Variants in ZZZ3 observed in about 807,000 individuals in gnomAD.
ZZZ3 encodes the protein zinc finger ZZ-type containing 3.
Under a neutral mutation model 95.2 loss-of-function variants are expected in ZZZ3, and 22 were observed. The observed-to-expected ratio is 0.23, with a 90% confidence interval of 0.17 to 0.33. ZZZ3 has a LOEUF of 0.33. Ranked by LOEUF, ZZZ3 falls within the 10% of genes least tolerant of loss-of-function variation. ZZZ3 has a pLI of 1.00. For missense variants in ZZZ3, 885 were observed against 1,066.5 expected, an observed-to-expected ratio of 0.83 and a Z score of 2.37; for synonymous variants, 335 against 358.9, an observed-to-expected ratio of 0.93 and a Z score of 0.75.
chr1:77,567,092 T>C (rs930388134), intron 13 of ZZZ3, among the ~76,000 whole-genome samples: 1 of 152,224 alleles, frequency 6.6e-6, no homozygotes, highest in Non-Finnish European at 1.5e-5. Flanking sequence ...ATCAAAGGTA[T>C]AACTTTGTTT....
At chr1:77,616,530 A>AT (rs1666330376) in intron 5 of ZZZ3, among the ~76,000 whole-genome samples, 1 of 152,148 alleles carries the variant, frequency 6.6e-6, no homozygotes, top group South Asian at 2.1e-4. Context: ...AAAAACAACA[A>AT]TTTTCACACT....
At chr1:77,569,220 C>T (rs1661130315) in intron 12 of ZZZ3, among the ~76,000 whole-genome samples, 1 of 152,184 alleles carries the variant, frequency 6.6e-6, no homozygotes, top group South Asian at 2.1e-4. Flanking sequence ...ACCTGTAATA[C>T]CAGCTACTCG....
chr1:77,647,346 C>T (rs1326624480), intron 1 of ZZZ3, among the ~76,000 whole-genome samples: 1 of 152,076 alleles, frequency 6.6e-6, no homozygotes, highest in Non-Finnish European at 1.5e-5. Flanking sequence ...TGGCGAAAAC[C>T]CATCCCTACT....
intron 6 of ZZZ3, 82 bp downstream of exon 6, chr1:77,584,435 C>T (rs192808778): frequency 2.9e-6 from 4 of 1,377,420 alleles, no homozygotes; most frequent in Admixed American, 4.9e-5. Context: ...AAAGTATATA[C>T]CCATAAAAAA....
intron 1 of ZZZ3, among the ~76,000 whole-genome samples, chr1:77,663,607 T>C (rs1425936449): frequency 2.0e-5 from 3 of 152,224 alleles, no homozygotes. Context: ...CAACATGGAA[T>C]GAATATCATA....
intron 13 of ZZZ3, among the ~76,000 whole-genome samples, chr1:77,567,939 G>A (rs542663461): frequency 1.3e-5 from 2 of 152,214 alleles, no homozygotes; most frequent in East Asian, 3.9e-4. Context: ...CTTCACATCA[G>A]GAACGATGGC....
chr1:77,646,515 G>C (rs918381842), intron 1 of ZZZ3, among the ~76,000 whole-genome samples: 1 of 152,036 alleles, frequency 6.6e-6, no homozygotes, highest in Non-Finnish European at 1.5e-5. Context: ...GAGTTATGGC[G>C]CCCAGCTCTG....
At chr1:77,570,709 C>G (rs2100481669) in intron 12 of ZZZ3, among the ~76,000 whole-genome samples, 1 of 150,704 alleles carries the variant, frequency 6.6e-6, no homozygotes, top group African/African-American at 2.4e-5. Context: ...ACTCTGTCAC[C>G]CAGGCTGGAG....
In ZZZ3 at chr1:77,641,551, A is replaced by G. The variant is rs1301040313; in HGVS notation, c.-298T>C. On this transcript the variant is annotated 5_prime_UTR_variant, in exon 2 of 15. Coordinates refer to ENST00000370801, the MANE Select transcript of ZZZ3 (RefSeq NM_015534.6). Reference sequence around the variant, plus strand: ...TAAAAAGCGTTTTGCCTAGTATTTGATCCCCATGCGTCTGTATTTATCTGT... The same window carrying G: ...TAAAAAGCGTTTTGCCTAGTATTTGGTCCCCATGCGTCTGTATTTATCTGT... 2 of 398,022 alleles carry G rather than the reference A, an allele frequency of 5.0e-6. No individual in the cohort carries two copies. The highest frequency in any genetic ancestry group is 4.1e-5 in the African/African-American group (2 of 48,562). 24.7% of individuals were successfully genotyped at this position (398,022 alleles called of 1,614,324 possible).
In ZZZ3 at chr1:77,562,840, A is replaced by AT; in HGVS notation, c.*2799dup. 1 of 152,520 alleles carries AT rather than the reference A, an allele frequency of 6.6e-6. No individual in the cohort carries two copies. The highest frequency in any genetic ancestry group is 1.5e-5 in the Non-Finnish European group (1 of 68,042). 9.4% of individuals were successfully genotyped at this position (152,520 alleles called of 1,614,324 possible). On this transcript the variant is annotated 3_prime_UTR_variant, in exon 15 of 15. Coordinates refer to ENST00000370801, the MANE Select transcript of ZZZ3 (RefSeq NM_015534.6). ...CTAGTGTTGCCTGACACAAGGGGAA[A>AT]TTCCTGCTCAGGAAACAGGATAGTA... is the stretch of plus-strand genomic sequence containing the variant.
At chr1:77,642,286 A>T (rs1668851658) in intron 1 of ZZZ3, among the ~76,000 whole-genome samples, 1 of 152,230 alleles carries the variant, frequency 6.6e-6, no homozygotes, top group African/African-American at 2.4e-5. Flanking sequence ...ACCGTACAGA[A>T]TTTTAAGTCA....
In ZZZ3 at chr1:77,581,058, T is replaced by C. The variant is rs756745986; in HGVS notation, c.1920A>G (p.Gly640=). 2.5e-6 allele frequency: 4 copies of C among 1,613,920 alleles called. No individual in the cohort carries two copies. Among genetic ancestry groups the C allele is most frequent in the Non-Finnish European group, 3.4e-6 (4 of 1,179,924 alleles). The change falls in exon 9 of 15, where the codon GGA becomes GGG. Residue 640 remains glycine (G), a synonymous_variant. Coordinates refer to ENST00000370801, the MANE Select transcript of ZZZ3 (RefSeq NM_015534.6). ...CAGGTTTGGTATCATCACACAAGCG[T>C]CCTCTTATCATCTGCACATAAGACA... ...GSSSRPQMIR[G]RLCDDTKPET... is the part of the protein sequence containing the mutation.
At chr1:77,659,853 T>C (rs1670630963) in intron 1 of ZZZ3, among the ~76,000 whole-genome samples, 1 of 151,768 alleles carries the variant, frequency 6.6e-6, no homozygotes, top group Admixed American at 6.6e-5. Context: ...TGTTTTTGAG[T>C]CAGGATCTCA....
At chr1:77,671,023 G>A (rs181805044) in intron 1 of ZZZ3, among the ~76,000 whole-genome samples, 1 of 148,400 alleles carries the variant, frequency 6.7e-6, no homozygotes, top group Non-Finnish European at 1.5e-5. Flanking sequence ...GGTGGTGGGG[G>A]TTGTTTTTTT....
At chr1:77,618,172 T>C (rs146068328) in intron 5 of ZZZ3, among the ~76,000 whole-genome samples, 83 of 148,690 alleles carry the variant, frequency 5.6e-4, no homozygotes, top group African/African-American at 2.0e-3. Context: ...CCTACCAACC[T>C]GCCCACATAC....
In ZZZ3 at chr1:77,570,641, ATTTTAT is replaced by A. The variant is rs1253633180; in HGVS notation, c.2332-2181_2332-2176del. ...ATCTTATCTCCCACTTTTTCCTGTT[ATTTTAT>A]TTTTATTTTTATTATTTTATTATTA... On this transcript the variant is annotated intron_variant, in intron 12 of 14. Coordinates refer to ENST00000370801, the MANE Select transcript of ZZZ3 (RefSeq NM_015534.6). 6.6e-5 allele frequency among the ~76,000 whole-genome samples: 10 copies of A among 150,528 alleles called. No individual in the cohort carries two copies. The East Asian group carries it at 1.4e-3, about 21-fold the overall frequency.
chr1:77,661,055 C>CA (rs201335878), intron 1 of ZZZ3, among the ~76,000 whole-genome samples: 1,714 of 80,266 alleles, frequency 0.021, 21 homozygotes, highest in East Asian at 0.046. Context: ...TGCTTTAACG[C>CA]AAAAAAAAAA....
intron 5 of ZZZ3, among the ~76,000 whole-genome samples, chr1:77,589,589 C>T (rs962353924): frequency 3.3e-5 from 5 of 151,966 alleles, no homozygotes; most frequent in African/African-American, 1.2e-4. Flanking sequence ...AGGTATGCCA[C>T]CATTCCCAGC....
chr1:77,584,590 A>G lies in ZZZ3; in HGVS notation c.1571T>C (p.Leu524Pro), dbSNP rs1433961261. 6.2e-7 allele frequency: 1 copy of G among 1,613,228 alleles called. No individual in the cohort carries two copies. The highest frequency in any genetic ancestry group is 8.5e-7 in the Non-Finnish European group (1 of 1,179,742). The change falls in exon 6 of 15, where the codon CTT (leucine) becomes CCT (proline). Residue 524 changes from leucine to proline, a missense_variant. Around this residue, in one of 5 missense-constraint regions of ZZZ3, gnomAD observed 556 missense variants for 652.9 expected, o/e 0.85. Coordinates refer to ENST00000370801, the MANE Select transcript of ZZZ3 (RefSeq NM_015534.6). ...EAQRSQAVQD[L>P]ESLGRHQREA... ...TCTCTGGTGCCTGCCTAAACTTTCA[A>G]GGTCTTGGACTGCTTGAGAACGCTG...
Sources: gnomAD v4.1 joint callset for allele counts (sites outside exome capture counted in the v4.1 genomes callset) on GRCh38, gnomAD v4.1.1 for gene constraint, gnomAD v4.1.1 regional missense constraint, MANE v1.5 for transcripts, NCBI Gene and HGNC (gene_info 2026-07-23, HGNC 2026-07-21) for gene names.